Variants in MICU1 observed in about 807,000 individuals in gnomAD.
MICU1 encodes the protein calcium uptake protein 1, mitochondrial.
MICU1 carries 45 observed loss-of-function variants against 56.8 expected under a neutral mutation model. The observed-to-expected ratio is 0.79, with a 90% CI of 0.62 to 1.02. MICU1 has a LOEUF of 1.02. Among genes scored for constraint, MICU1 ranks in the 50% least tolerant of loss-of-function variants. The pLI is 0.00. For synonymous variants in MICU1, 186 were observed against 195.1 expected, an observed-to-expected ratio of 0.95 and a Z score of 0.39; for missense variants, 504 against 587.1, an observed-to-expected ratio of 0.86 and a Z score of 1.46.
chr10:72,468,384 T>C (rs1865858693), intron 8 of MICU1, among the ~76,000 whole-genome samples: 1 of 151,644 alleles, frequency 6.6e-6, no homozygotes, highest in South Asian at 2.1e-4. Context: ...AATTTTCTAA[T>C]ACCTTTCAGT....
chr10:72,443,698 T>C (rs1188370003), intron 8 of MICU1, among the ~76,000 whole-genome samples: 2 of 151,684 alleles, frequency 1.3e-5, no homozygotes, highest in Admixed American at 6.6e-5. Context: ...GTTAGAATGG[T>C]AATCATTAAA....
chr10:72,383,322 T>C (rs1589156314), intron 10 of MICU1, among the ~76,000 whole-genome samples: 1 of 151,444 alleles, frequency 6.6e-6, no homozygotes, highest in African/African-American at 2.4e-5. Flanking sequence ...ACAAAAGGGG[T>C]GAAGTCTCTC....
intron 4 of MICU1, among the ~76,000 whole-genome samples, chr10:72,543,458 G>A (rs1839822121): frequency 6.6e-6 from 1 of 152,086 alleles, no homozygotes. Context: ...AGGATCACGT[G>A]AGCCCAGGAG....
chr10:72,462,101 A>G (rs1453444824), intron 8 of MICU1, among the ~76,000 whole-genome samples: 1 of 152,180 alleles, frequency 6.6e-6, no homozygotes, highest in Non-Finnish European at 1.5e-5. Context: ...ACCTCATAGC[A>G]CTGAGAAGAT....
intron 1 of MICU1, among the ~76,000 whole-genome samples, chr10:72,606,044 T>C (rs1841679524): frequency 6.7e-6 from 1 of 150,046 alleles, no homozygotes; most frequent in Non-Finnish European, 1.5e-5. Flanking sequence ...GACAGGAGAA[T>C]CACTTGAACC....
intron 1 of MICU1, among the ~76,000 whole-genome samples, chr10:72,608,412 C>A (rs961811203): frequency 6.6e-6 from 1 of 152,058 alleles, no homozygotes; most frequent in Non-Finnish European, 1.5e-5. Flanking sequence ...CATTTGAATC[C>A]TTTTCAAAAA....
In MICU1 at chr10:72,593,421, G is replaced by A. The variant is rs573363044; in HGVS notation, c.-1-26627C>T. The stretch of plus-strand genomic sequence containing the variant: ...TCAAGACCAGCCTGGCCAACATGGC[G>A]AAACCCTGGCTCTAATCGCTTGAAC... On this transcript the variant is annotated intron_variant, in intron 1 of 11. Coordinates refer to ENST00000361114, the MANE Select transcript of MICU1 (RefSeq NM_001195518.2). Among the ~76,000 whole-genome samples, 155 of 151,778 alleles carry A rather than the reference G, an allele frequency of 1.0e-3. 1 individual carries two copies. The highest frequency in any genetic ancestry group is 1.1e-3 in the African/African-American group (44 of 41,398).
intron 1 of MICU1, among the ~76,000 whole-genome samples, chr10:72,623,143 C>G (rs1422518573): frequency 6.6e-6 from 1 of 151,386 alleles, no homozygotes; most frequent in Non-Finnish European, 1.5e-5. Context: ...GTGGCGCACG[C>G]TCCTGTAATC....
At chr10:72,509,380 A>G (rs1867366340) in intron 5 of MICU1, 1 of 1,335,996 alleles carries the variant, frequency 7.5e-7, no homozygotes, top group Non-Finnish European at 9.9e-7. Flanking sequence ...CCAGTTACAC[A>G]ACTATCCAAT....
intron 4 of MICU1, among the ~76,000 whole-genome samples, chr10:72,535,035 A>ATTTTATTTTATTTTATTTATTTTATTTTC (rs1466059359): frequency 1.7e-5 from 1 of 60,342 alleles, no homozygotes; most frequent in Admixed American, 1.7e-4. Flanking sequence ...ATTTTATTTT[A>ATTTTATTTTATTTTATTTATTTTATTTTC]TTTATTTATT....
intron 6 of MICU1, among the ~76,000 whole-genome samples, chr10:72,497,587 C>T (rs1337505851): frequency 6.6e-6 from 1 of 152,148 alleles, no homozygotes; most frequent in Non-Finnish European, 1.5e-5. Flanking sequence ...TTATTGAGGG[C>T]TAAATTTCTT....
chr10:72,549,040 G>C (rs944536079), intron 4 of MICU1, among the ~76,000 whole-genome samples: 1 of 152,130 alleles, frequency 6.6e-6, no homozygotes, highest in Admixed American at 6.5e-5. Flanking sequence ...CATTTTGGAG[G>C]GGTGATGGTT....
chr10:72,504,052 T>C (rs116505851), intron 6 of MICU1, among the ~76,000 whole-genome samples: 3,145 of 152,200 alleles, frequency 0.021, 97 homozygotes, highest in African/African-American at 0.072. Flanking sequence ...AAAATGACCA[T>C]ACTGCCCAAA....
chr10:72,490,654 A>T (rs936179199), intron 6 of MICU1, among the ~76,000 whole-genome samples: 1 of 152,086 alleles, frequency 6.6e-6, no homozygotes, highest in Admixed American at 6.5e-5. Context: ...GTCTGACCCA[A>T]CTAAGCATAC....
intron 1 of MICU1, among the ~76,000 whole-genome samples, chr10:72,613,832 T>C (rs1206550544): frequency 6.6e-6 from 1 of 152,090 alleles, no homozygotes; most frequent in Non-Finnish European, 1.5e-5. Context: ...CTTACAACTC[T>C]AGTTTTTGTT....
intron 8 of MICU1, among the ~76,000 whole-genome samples, chr10:72,435,424 C>T (rs1864679601): frequency 6.7e-6 from 1 of 150,086 alleles, no homozygotes; most frequent in Non-Finnish European, 1.5e-5. Context: ...GGGGGGCGTT[C>T]CAAGATGGCT....
At chr10:72,588,176 T>G (rs1841117669) in intron 1 of MICU1, among the ~76,000 whole-genome samples, 1 of 152,154 alleles carries the variant, frequency 6.6e-6, no homozygotes, top group African/African-American at 2.4e-5. Context: ...CTCTCTCTCC[T>G]GCTCTGGCCA....
At chr10:72,417,672 T>C (rs1261266464) in intron 9 of MICU1, among the ~76,000 whole-genome samples, 1 of 152,098 alleles carries the variant, frequency 6.6e-6, no homozygotes, top group East Asian at 1.9e-4. Flanking sequence ...GAAAACTCTT[T>C]GTTAAATAAA....
intron 1 of MICU1, 64 bp from the exon 2 acceptor site, chr10:72,566,858 T>A: frequency 7.3e-7 from 1 of 1,374,498 alleles, no homozygotes; most frequent in Non-Finnish European, 1.0e-6. Flanking sequence ...ATGATGATGA[T>A]CCTACCAACA....
Sources: gnomAD v4.1 joint callset for allele counts (sites outside exome capture counted in the v4.1 genomes callset) on GRCh38, gnomAD v4.1.1 for gene constraint, MANE v1.5 for transcripts, NCBI Gene and HGNC (gene_info 2026-07-23, HGNC 2026-07-21) for gene names.